The following SDR16C5 variants were observed in gnomAD, a reference collection of about 807,000 sequenced individuals.
SDR16C5 encodes the protein short chain dehydrogenase/reductase family 16C member 5, also known as epidermal retinol dehydrogenase 2.
SDR16C5 carries 20 observed loss-of-function variants against 27.7 expected under a neutral mutation model. That is an observed-to-expected ratio of 0.72 (90% CI 0.51 to 1.05). The LOEUF (loss-of-function observed/expected upper bound fraction) is 1.05, where lower values mean the gene tolerates loss of function less well. Among genes scored for constraint, SDR16C5 ranks in the 50% least tolerant of loss-of-function variants. The pLI, the probability that SDR16C5 is intolerant of heterozygous loss-of-function variation, is 0.00. For synonymous variants in SDR16C5, 139 were observed against 132.3 expected (o/e 1.05, Z -0.35); for missense variants, 374 against 366.3 (o/e 1.02, Z -0.17).
rs1814747964 is a variant in SDR16C5 at position 56,301,315 on chromosome 8, T to C, written c.*165A>G. ...CTCAACCAAATAGGTGATAGCAACA[T>C]TATTTTCAAACACATTGATTGAAAA... On this transcript the variant is annotated 3_prime_UTR_variant, in exon 7 of 7. Transcript: ENST00000303749. 11 of 574,420 alleles carry C rather than the reference T, an allele frequency of 1.9e-5. No homozygotes were observed. The Admixed American group carries it at 2.7e-4, about 14-fold the overall frequency. The allele number at this position is 574,420 out of a possible 1,614,324, so 35.6% of individuals were successfully genotyped here.
chr8:56,317,658 C>T (rs1815235216), intron 1 of SDR16C5, among the ~76,000 whole-genome samples: 1 of 152,196 alleles, frequency 6.6e-6, no homozygotes, highest in Admixed American at 6.5e-5. Flanking sequence ...ATAGATTCAT[C>T]TACAGGAGGA....
intron 2 of SDR16C5, among the ~76,000 whole-genome samples, chr8:56,313,256 T>C (rs376501516): frequency 2.2e-4 from 33 of 152,238 alleles, no homozygotes; most frequent in African/African-American, 7.7e-4. Context: ...TAAGAATAGC[T>C]TCATTATAGC....
intron 2 of SDR16C5, among the ~76,000 whole-genome samples, chr8:56,313,465 T>A (rs2129261070): frequency 6.6e-6 from 1 of 152,340 alleles, no homozygotes; most frequent in Admixed American, 6.5e-5. Flanking sequence ...ACTACACATC[T>A]TAGGCCATAT....
At chr8:56,309,153 G>T in intron 3 of SDR16C5, 126 bp from the exon 4 acceptor site, 2 of 883,886 alleles carry the variant, frequency 2.3e-6, no homozygotes, top group Non-Finnish European at 1.5e-6. Context: ...AAGGTATGGG[G>T]ATATAAAAAC....
At chr8:56,305,453 C>T (rs1814856916) in intron 6 of SDR16C5, 144 bp downstream of exon 6, 2 of 689,840 alleles carry the variant, frequency 2.9e-6, no homozygotes, top group Non-Finnish European at 2.2e-6. Context: ...GCAATGGGCA[C>T]AATGATAGGA....
intron 1 of SDR16C5, among the ~76,000 whole-genome samples, 193 bp downstream of exon 1, chr8:56,319,866 G>T (rs1815292497): frequency 6.6e-6 from 1 of 152,122 alleles, no homozygotes; most frequent in South Asian, 2.1e-4. Context: ...CTTCTGGGAC[G>T]CTCAGCCGTG....
At position 56,309,993 on chromosome 8, in the gene SDR16C5, AG is replaced by A. The variant is rs567120540; in HGVS notation, c.466-967del. 1.1e-4 allele frequency among the ~76,000 whole-genome samples: 17 copies of A among 151,612 alleles called. No homozygotes were observed. In the East Asian group the frequency reaches 2.9e-3, roughly 26 times the overall value. ...GAAGTAAAGGGAGTGAGATGACATG[AG>A]GAGTGGTAGGAGCCAGGGAAACACC... On this transcript the variant is annotated intron_variant, in intron 3 of 6. Coordinates refer to ENST00000303749, the MANE Select transcript of SDR16C5 (RefSeq NM_138969.4).
intron 4 of SDR16C5, 50 bp from the exon 5 acceptor site, chr8:56,306,870 A>G (rs756468184): frequency 6.5e-7 from 1 of 1,536,888 alleles, no homozygotes; most frequent in African/African-American, 1.4e-5. Flanking sequence ...TTAAAATGGC[A>G]TTACATTAAG....
chr8:56,300,046 A>G lies in SDR16C5; in HGVS notation c.*1434T>C, dbSNP rs915677605. The stretch of plus-strand genomic sequence containing the variant: ...CGCCTTTATTCTTTGGCATACACCA[A>G]ATACCTTCATCATTCTTTGAGTAAT... On this transcript the variant is annotated 3_prime_UTR_variant, in exon 7 of 7. Transcript: ENST00000303749. 1.7e-4 allele frequency: 26 copies of G among 152,216 alleles called. No individual in the cohort carries two copies. The highest frequency in any genetic ancestry group is 3.2e-4 in the Non-Finnish European group (22 of 68,036). The allele number at this position is 152,216 out of a possible 1,614,324, so 9.4% of individuals were successfully genotyped here.
rs1440879583 is a variant in SDR16C5 at position 56,320,140 on chromosome 8, C to T, written c.-96G>A. 1 of 152,318 alleles carries T rather than the reference C, an allele frequency of 6.6e-6. No individual in the cohort carries two copies. Among genetic ancestry groups the T allele is most frequent in the Non-Finnish European group, 1.5e-5 (1 of 68,128 alleles). The allele number at this position is 152,318 out of a possible 1,614,324, so 9.4% of individuals were successfully genotyped here. A position where few individuals can be genotyped will look rare whatever the true frequency, so the allele number is the denominator to read the frequency against. On this transcript the variant is annotated 5_prime_UTR_variant, in exon 1 of 7. Coordinates refer to ENST00000303749, the MANE Select transcript of SDR16C5 (RefSeq NM_138969.4). ...CCGAGTCCCTGGCTCGGAGCTCAGT[C>T]AGGTTCAGGTGTTTATCCAGGCGCC...
chr8:56,308,999 A>G lies in SDR16C5; in HGVS notation c.494T>C (p.Ile165Thr). The change falls in exon 4 of 7, where the codon ATT becomes ACT. Residue 165 changes from isoleucine (I) to threonine (T), a missense_variant. Coordinates refer to ENST00000303749, the MANE Select transcript of SDR16C5 (RefSeq NM_138969.4). The part of the protein sequence containing the change: ...WTYKAFLPAM[I>T]ANDHGHLVCI... ...AACCAAATGTCCATGGTCATTAGCAATCATAGCAGGTAGAAAGGCTTTATA... is the reference window on the plus strand; with the variant it reads ...AACCAAATGTCCATGGTCATTAGCAGTCATAGCAGGTAGAAAGGCTTTATA... 1.2e-6 allele frequency: 2 copies of G among 1,612,150 alleles called. No homozygotes were observed. The highest frequency in any genetic ancestry group is 1.7e-6 in the Non-Finnish European group (2 of 1,179,196).
In SDR16C5 at chr8:56,300,049, A is replaced by G. The variant is rs1237747625; in HGVS notation, c.*1431T>C. The G allele has an allele frequency of 6.6e-6, 1 of 152,196 alleles. No individual in the cohort carries two copies. The highest frequency in any genetic ancestry group is 3.2e-3 in the Middle Eastern group (1 of 316). The allele number at this position is 152,196 out of a possible 1,614,324, so 9.4% of individuals were successfully genotyped here. ...CTTTATTCTTTGGCATACACCAAATACCTTCATCATTCTTTGAGTAATGAT... is the reference window on the plus strand; with the variant it reads ...CTTTATTCTTTGGCATACACCAAATGCCTTCATCATTCTTTGAGTAATGAT... On this transcript the variant is annotated 3_prime_UTR_variant, in exon 7 of 7. Transcript: ENST00000303749.
intron 4 of SDR16C5, among the ~76,000 whole-genome samples, chr8:56,307,956 C>T (rs934038102): frequency 6.6e-6 from 1 of 152,040 alleles, no homozygotes. Context: ...TGTAAATATA[C>T]CTGAATGATT....
chr8:56,310,683 A>T (rs1238773389), intron 3 of SDR16C5, among the ~76,000 whole-genome samples: 1 of 148,572 alleles, frequency 6.7e-6, no homozygotes, highest in East Asian at 2.0e-4. Context: ...GCGCCACTGC[A>T]CTCCAGCCTG....
Position 56,305,591 on chromosome 8 carries a change from A to G in SDR16C5, c.836+6T>C, listed in dbSNP as rs1814860640. Reference sequence around the variant, plus strand: ...TTAGGGAAGTAATAGAAGCTGATGTAATTACCTTTTAAGAAACATCATGAA... The same window carrying G: ...TTAGGGAAGTAATAGAAGCTGATGTGATTACCTTTTAAGAAACATCATGAA... On this transcript the variant is annotated splice_donor_region_variant and intron_variant, in intron 6 of 6. Coordinates refer to ENST00000303749, the MANE Select transcript of SDR16C5 (RefSeq NM_138969.4). The G allele has an allele frequency of 6.3e-7, 1 of 1,579,350 alleles. No homozygotes were observed. Among genetic ancestry groups the G allele is most frequent in the South Asian group, 1.2e-5 (1 of 82,072 alleles).
chr8:56,302,099 C>T (rs2129255991), intron 6 of SDR16C5, among the ~76,000 whole-genome samples: 1 of 152,346 alleles, frequency 6.6e-6, no homozygotes, highest in Non-Finnish European at 1.5e-5. Flanking sequence ...CCACACCTGC[C>T]CCTCTGCAAA....
In SDR16C5 at chr8:56,316,106, C is replaced by T. The variant is rs774638484; in HGVS notation, c.242G>A (p.Cys81Tyr). The T allele has an allele frequency of 2.5e-6, 4 of 1,614,150 alleles. No individual in the cohort carries two copies. Among genetic ancestry groups the T allele is most frequent in the Non-Finnish European group, 3.4e-6 (4 of 1,180,002 alleles). The stretch of plus-strand genomic sequence containing the variant: ...GGCTCCAGCTTCCCGAGCCATCTTA[C>T]ATGTTTCCTCATTCCCCTCCTTATT... Reference protein sequence around the residue: ...DINKEGNEETCKMAREAGATR... With the variant: ...DINKEGNEETYKMAREAGATR... Residue 81 changes from cysteine to tyrosine, a missense_variant, in exon 2 of 7, where the codon TGT becomes TAT. Cys to Tyr is a radical substitution (Grantham distance 194, BLOSUM62 -2). Coordinates refer to ENST00000303749, the MANE Select transcript of SDR16C5 (RefSeq NM_138969.4).
rs771836806 is a variant in SDR16C5 at position 56,306,725 on chromosome 8, C to A, written c.661G>T (p.Val221Leu). 2 of 1,613,802 alleles carry A rather than the reference C, an allele frequency of 1.2e-6. No individual in the cohort carries two copies. Among genetic ancestry groups the A allele is most frequent in the Admixed American group, 1.7e-5 (1 of 59,968 alleles). ...QKQKGIKTTI[V>L]CPFFIKTGMF... The stretch of plus-strand genomic sequence containing the variant: ...CCAGTTTTTATAAAAAAGGGGCACA[C>A]AATCGTGGTTTTGATCCCCTTTTGT... The change falls in exon 5 of 7, where the codon GTG (valine) becomes TTG (leucine). Residue 221 changes from valine to leucine, a missense_variant. Val to Leu is a conservative substitution (Grantham distance 32). Coordinates refer to ENST00000303749, the MANE Select transcript of SDR16C5 (RefSeq NM_138969.4).
chr8:56,316,069 G>T lies in SDR16C5; in HGVS notation c.279C>A (p.His93Gln). ...TTTGGCTGCAATCGCAGGTATAGGC[G>T]TGCACTCTTGTGGCTCCAGCTTCCC... The part of the protein sequence containing the change: ...MAREAGATRV[H>Q]AYTCDCSQKE... Residue 93 changes from histidine (H) to glutamine (Q), a missense_variant, in exon 2 of 7, where the codon CAC becomes CAA. Transcript: ENST00000303749. The T allele has an allele frequency of 1.9e-6, 3 of 1,614,074 alleles. No homozygotes were observed. The highest frequency in any genetic ancestry group is 2.2e-5 in the East Asian group (1 of 44,872).
Sources: gnomAD v4.1 joint callset for allele counts (sites outside exome capture counted in the v4.1 genomes callset) on GRCh38, gnomAD v4.1.1 for gene constraint, MANE v1.5 for transcripts, NCBI Gene and HGNC (gene_info 2026-07-23, HGNC 2026-07-21) for gene names.